The following EFNA3 variants were observed in gnomAD, a reference collection of about 807,000 sequenced individuals.
EFNA3 encodes ephrin-A3.
EFNA3 carries 15 observed loss-of-function variants against 25.0 expected under a neutral mutation model. That is an observed-to-expected ratio of 0.60 (90% CI 0.40 to 0.92). The LOEUF (loss-of-function observed/expected upper bound fraction) is 0.92. Ranked by LOEUF, EFNA3 falls within the 40% of genes least tolerant of loss-of-function variation. The probability of loss-of-function intolerance (pLI) is 0.00; values close to 1 mark genes in which losing one functional copy is unlikely to be tolerated. For missense variants in EFNA3, 298 were observed against 323.8 expected (o/e 0.92, Z 0.61); for synonymous variants, 153 against 145.6 (o/e 1.05, Z -0.37).
At position 155,081,894 on chromosome 1, in the gene EFNA3, C is replaced by T. The variant is rs1346453271; in HGVS notation, c.128+2825C>T. Among the ~76,000 whole-genome samples the T allele has an allele frequency of 6.6e-6, 1 of 152,228 alleles. No individual in the cohort carries two copies. The highest frequency in any genetic ancestry group is 6.5e-5 in the Admixed American group (1 of 15,290). ...TCTGTGTCTCGCTTTCGGCAGGTCTCTCGCTCCTCTCCGCCGCTGCAGATC... is the reference window on the plus strand; with the variant it reads ...TCTGTGTCTCGCTTTCGGCAGGTCTTTCGCTCCTCTCCGCCGCTGCAGATC... On this transcript the variant is annotated intron_variant, in intron 1 of 4. Coordinates refer to ENST00000368408, the MANE Select transcript of EFNA3 (RefSeq NM_004952.5). The surrounding 1 kb of genome is among the most constrained non-coding windows in gnomAD (Gnocchi z 5.2).
chr1:155,082,465 C>A (rs1461423850), intron 1 of EFNA3, among the ~76,000 whole-genome samples: 2 of 152,220 alleles, frequency 1.3e-5, no homozygotes, highest in Admixed American at 6.5e-5. Flanking sequence ...CCGCCTGCCC[C>A]CTCCGCGGAC....
chr1:155,084,560 T>C (rs1379663175), intron 1 of EFNA3, among the ~76,000 whole-genome samples: 2 of 152,264 alleles, frequency 1.3e-5, no homozygotes. Context: ...CCTGTTGGAC[T>C]GGCCTCCGGG....
In EFNA3 at chr1:155,080,540, C is replaced by T. The variant is rs527264100; in HGVS notation, c.128+1471C>T. ...CCCTCCCCCAGACTCACACGTCCGCCCCCCACCCCGCTAGAGTCTGGCGGG... is the reference window on the plus strand; with the variant it reads ...CCCTCCCCCAGACTCACACGTCCGCTCCCCACCCCGCTAGAGTCTGGCGGG... On this transcript the variant is annotated intron_variant, in intron 1 of 4. Transcript: ENST00000368408. The surrounding 1 kb of genome is among the most constrained non-coding windows in gnomAD (Gnocchi z 7.0). Among the ~76,000 whole-genome samples the T allele has an allele frequency of 1.3e-5, 2 of 152,190 alleles. No homozygotes were observed. The highest frequency in any genetic ancestry group is 2.4e-5 in the African/African-American group (1 of 41,556).
chr1:155,085,031 G>C lies in EFNA3; in HGVS notation c.129-60G>C. On this transcript the variant is annotated intron_variant, in intron 1 of 4. Coordinates refer to ENST00000368408, the MANE Select transcript of EFNA3 (RefSeq NM_004952.5). This position sits in a 1 kb window ranked among gnomAD's most constrained non-coding sequence, Gnocchi z 4.4. The stretch of plus-strand genomic sequence containing the variant: ...CTGGGGAGGGGCTGCGGAGCGGTCA[G>C]ATGGAAAGCGGCTTTGCTCTGGGGT... 6.3e-7 allele frequency: 1 copy of C among 1,577,684 alleles called. No individual in the cohort carries two copies. The highest frequency in any genetic ancestry group is 8.6e-7 in the Non-Finnish European group (1 of 1,158,516).
chr1:155,081,796 T>C lies in EFNA3; in HGVS notation c.128+2727T>C, dbSNP rs1317380049. On this transcript the variant is annotated intron_variant, in intron 1 of 4. Coordinates refer to ENST00000368408, the MANE Select transcript of EFNA3 (RefSeq NM_004952.5). The surrounding 1 kb of genome is among the most constrained non-coding windows in gnomAD (Gnocchi z 5.2). ...CGTCTCTCTCGCACTGTGTCTCCCT[T>C]CCTTTCCCCTTTCAGTGAATCCGGC... Among the ~76,000 whole-genome samples, 2 of 152,102 alleles carry C rather than the reference T, an allele frequency of 1.3e-5. No homozygotes were observed. The highest frequency in any genetic ancestry group is 2.9e-5 in the Non-Finnish European group (2 of 67,998).
At chr1:155,084,940 C>A in intron 1 of EFNA3, 151 bp from the exon 2 acceptor site, 1 of 833,328 alleles carries the variant, frequency 1.2e-6, no homozygotes, top group Non-Finnish European at 1.9e-6. Context: ...CACTAGGGCC[C>A]CGGGGGCAGA....
In EFNA3 at chr1:155,086,564, G is replaced by A; in HGVS notation, c.*21G>A. On this transcript the variant is annotated 3_prime_UTR_variant, in exon 5 of 5. Coordinates refer to ENST00000368408, the MANE Select transcript of EFNA3 (RefSeq NM_004952.5). ...CCTAGCTCTGCCCCCTCCCCTGGGG[G>A]GGGAGAGATGGGGCGGGGCTTGGAA... 1 of 1,612,248 alleles carries A rather than the reference G, an allele frequency of 6.2e-7. No homozygotes were observed. The highest frequency in any genetic ancestry group is 8.5e-7 in the Non-Finnish European group (1 of 1,179,042).
At position 155,086,949 on chromosome 1, in the gene EFNA3, G is replaced by C. The variant is rs977173232; in HGVS notation, c.*406G>C. The stretch of plus-strand genomic sequence containing the variant: ...GCACCCCCATTGCTCTCCTCCAGGG[G>C]CAGAACATGGGGAGGGGACTAGATG... On this transcript the variant is annotated 3_prime_UTR_variant, in exon 5 of 5. Transcript: ENST00000368408. The C allele has an allele frequency of 5.8e-6, 1 of 173,820 alleles. No individual in the cohort carries two copies. The highest frequency in any genetic ancestry group is 2.4e-5 in the African/African-American group (1 of 41,802). 10.8% of individuals were successfully genotyped at this position (173,820 alleles called of 1,614,324 possible). A position where few individuals can be genotyped will look rare whatever the true frequency, so the allele number is the denominator to read the frequency against.
Position 155,086,156 on chromosome 1 carries a change from C to T in EFNA3, c.537C>T (p.Pro179=). 6.2e-7 allele frequency: 1 copy of T among 1,613,826 alleles called. No homozygotes were observed. The highest frequency in any genetic ancestry group is 1.1e-5 in the South Asian group (1 of 91,080). Residue 179 remains proline (P), a synonymous_variant, in exon 4 of 5, where the codon CCC becomes CCT. Transcript: ENST00000368408. ...CGCACTCCGGGGAGAAGCCGGTCCCCACTCTCCCCCAGTTCACCATGGGCC... is the reference window on the plus strand; with the variant it reads ...CGCACTCCGGGGAGAAGCCGGTCCCTACTCTCCCCCAGTTCACCATGGGCC... ...STSHSGEKPV[P]TLPQFTMGPN...
chr1:155,086,192 G>A lies in EFNA3; in HGVS notation c.573G>A (p.Lys191=), dbSNP rs749138502. 6.2e-7 allele frequency: 1 copy of A among 1,610,276 alleles called. No homozygotes were observed. Residue 191 remains lysine, a synonymous_variant, in exon 4 of 5, where the codon AAG becomes AAA. Coordinates refer to ENST00000368408, the MANE Select transcript of EFNA3 (RefSeq NM_004952.5). ...LPQFTMGPNV[K]INVLEDFEGE... is the part of the protein sequence containing the mutation. ...AGTTCACCATGGGCCCCAATGTGAA[G>A]ATCAACGTGCTGGGTGAGTCTGCGC...
In EFNA3 at chr1:155,086,926, A is replaced by C; in HGVS notation, c.*383A>C. On this transcript the variant is annotated 3_prime_UTR_variant, in exon 5 of 5. Coordinates refer to ENST00000368408, the MANE Select transcript of EFNA3 (RefSeq NM_004952.5). Reference sequence around the variant, plus strand: ...GAGAGCAAATCGAAGCGTGGGAGGCACCCCCATTGCTCTCCTCCAGGGGCA... The same window carrying C: ...GAGAGCAAATCGAAGCGTGGGAGGCCCCCCCATTGCTCTCCTCCAGGGGCA... The C allele has an allele frequency of 5.4e-6, 1 of 185,230 alleles. No individual in the cohort carries two copies. The highest frequency in any genetic ancestry group is 1.1e-5 in the Non-Finnish European group (1 of 87,376). 11.5% of individuals were successfully genotyped at this position (185,230 alleles called of 1,614,324 possible).
chr1:155,086,304 C>T lies in EFNA3; in HGVS notation c.586+99C>T, dbSNP rs971021346. ...CATGCCTTCCCTGGGGGCACTGATA[C>T]TTCCTACCCTGTGGGTGGTCACGTC... On this transcript the variant is annotated intron_variant, in intron 4 of 4. Coordinates refer to ENST00000368408, the MANE Select transcript of EFNA3 (RefSeq NM_004952.5). 9 of 1,593,292 alleles carry T rather than the reference C, an allele frequency of 5.6e-6. No individual in the cohort carries two copies. In the African/African-American group the frequency reaches 1.1e-4, roughly 19 times the overall value.
rs1390986431 is a variant in EFNA3, at chr1:155,087,451, T to G, written c.*908T>G. 6.5e-6 allele frequency: 1 copy of G among 152,870 alleles called. No homozygotes were observed. The highest frequency in any genetic ancestry group is 1.9e-4 in the East Asian group (1 of 5,338). 9.5% of individuals were successfully genotyped at this position (152,870 alleles called of 1,614,324 possible). A position where few individuals can be genotyped will look rare whatever the true frequency, so the allele number is the denominator to read the frequency against. Reference sequence around the variant, plus strand: ...CCTGCTCACCCTATGTGGTCCCACCTATCCTCCTGGGCCTTTTTCAAGTGC... The same window carrying G: ...CCTGCTCACCCTATGTGGTCCCACCGATCCTCCTGGGCCTTTTTCAAGTGC... On this transcript the variant is annotated 3_prime_UTR_variant, in exon 5 of 5. Transcript: ENST00000368408.
chr1:155,078,891 G>C lies in EFNA3; in HGVS notation c.-51G>C, dbSNP rs1663282950. ...CAGCAGGGAGCTGGGAAGCGGAGAA[G>C]CCGGGAGCGCGGGGCTCAGTCGGGG... On this transcript the variant is annotated 5_prime_UTR_variant, in exon 1 of 5. Transcript: ENST00000368408. 2.2e-6 allele frequency: 3 copies of C among 1,342,082 alleles called. No homozygotes were observed. Among genetic ancestry groups the C allele is most frequent in the Non-Finnish European group, 9.5e-7 (1 of 1,048,948 alleles). The allele number at this position is 1,342,082 out of a possible 1,614,324, so 83.1% of individuals were successfully genotyped here. A position where few individuals can be genotyped will look rare whatever the true frequency, so the allele number is the denominator to read the frequency against.
intron 1 of EFNA3, among the ~76,000 whole-genome samples, chr1:155,082,324 G>A (rs968889354): frequency 6.6e-6 from 1 of 152,194 alleles, no homozygotes; most frequent in Non-Finnish European, 1.5e-5. Context: ...TGGGGGTGGA[G>A]GATGGCGAGG....
At position 155,085,012 on chromosome 1, in the gene EFNA3, A is replaced by AG; in HGVS notation, c.129-75dup. On this transcript the variant is annotated intron_variant, in intron 1 of 4. Coordinates refer to ENST00000368408, the MANE Select transcript of EFNA3 (RefSeq NM_004952.5). The surrounding 1 kb of genome is among the most constrained non-coding windows in gnomAD (Gnocchi z 4.4). ...TCGGAAGGCTACGCGGACCCTGGGG[A>AG]GGGGCTGCGGAGCGGTCAGATGGAA... is the stretch of plus-strand genomic sequence containing the variant. 6.7e-7 allele frequency: 1 copy of AG among 1,502,806 alleles called. No homozygotes were observed. The highest frequency in any genetic ancestry group is 1.8e-4 in the Middle Eastern group (1 of 5,636). The allele number at this position is 1,502,806 out of a possible 1,614,324, so 93.1% of individuals were successfully genotyped here.
At position 155,081,059 on chromosome 1, in the gene EFNA3, A is replaced by G. The variant is rs1407778827; in HGVS notation, c.128+1990A>G. ...CACGTGAGCTGGGCTCCTGGCTCCC[A>G]CCTCCCGTCACGTGCGGAGGGTCTC... On this transcript the variant is annotated intron_variant, in intron 1 of 4. Coordinates refer to ENST00000368408, the MANE Select transcript of EFNA3 (RefSeq NM_004952.5). This position sits in a 1 kb window ranked among gnomAD's most constrained non-coding sequence, Gnocchi z 5.2. 6.6e-6 allele frequency among the ~76,000 whole-genome samples: 1 copy of G among 151,882 alleles called. No individual in the cohort carries two copies. Among genetic ancestry groups the G allele is most frequent in the African/African-American group, 2.4e-5 (1 of 41,314 alleles).
rs185896513 is a variant in EFNA3, at chr1:155,085,667, C to T, written c.443-210C>T. On this transcript the variant is annotated intron_variant, in intron 2 of 4. Coordinates refer to ENST00000368408, the MANE Select transcript of EFNA3 (RefSeq NM_004952.5). This position sits in a 1 kb window ranked among gnomAD's most constrained non-coding sequence, Gnocchi z 4.4. Reference sequence around the variant, plus strand: ...TGTGAGGGACATTCCGGGGTTGGAACATCAGGGATCCCAGTTTCTTGAGGG... The same window carrying T: ...TGTGAGGGACATTCCGGGGTTGGAATATCAGGGATCCCAGTTTCTTGAGGG... The T allele has an allele frequency of 6.4e-4, 438 of 686,492 alleles. 1 individual carries two copies. Among genetic ancestry groups the T allele is most frequent in the Middle Eastern group, 1.6e-3 (4 of 2,560 alleles). The allele number at this position is 686,492 out of a possible 1,614,324, so 42.5% of individuals were successfully genotyped here.
chr1:155,085,976 C>T lies in EFNA3; in HGVS notation c.508+34C>T, dbSNP rs199777767. The T allele has an allele frequency of 7.5e-6, 12 of 1,590,874 alleles. No individual in the cohort carries two copies. Among genetic ancestry groups the T allele is most frequent in the East Asian group, 2.3e-5 (1 of 42,916 alleles). ...AATAGGCTCCGAGCCGCGCCCCCAT[C>T]CTCAGCTCCCTGCTTTGGGGCTCCC... is the stretch of plus-strand genomic sequence containing the variant. On this transcript the variant is annotated intron_variant, in intron 3 of 4. Transcript: ENST00000368408. The surrounding 1 kb of genome is among the most constrained non-coding windows in gnomAD (Gnocchi z 4.4).
Sources: gnomAD v4.1 joint callset for allele counts (sites outside exome capture counted in the v4.1 genomes callset) on GRCh38, gnomAD v4.1.1 for gene constraint, Gnocchi (gnomAD v3.1) non-coding constraint, MANE v1.5 for transcripts, NCBI Gene and HGNC (gene_info 2026-07-23, HGNC 2026-07-21) for gene names.